Variants in CACNA2D2 observed in about 807,000 individuals in gnomAD.
The protein encoded by CACNA2D2 is calcium voltage-gated channel auxiliary subunit alpha2delta 2.
Under a neutral mutation model 166.4 loss-of-function variants are expected in CACNA2D2, and 48 were observed. The observed-to-expected ratio is 0.29, with a 90% CI of 0.23 to 0.37. The LOEUF (loss-of-function observed/expected upper bound fraction) is 0.37. Ranked by LOEUF, CACNA2D2 falls within the 10% of genes least tolerant of loss-of-function variation. The pLI, the probability that CACNA2D2 is intolerant of heterozygous loss-of-function variation, is 1.00. For synonymous variants in CACNA2D2, 561 were observed against 573.7 expected (o/e 0.98, Z 0.32); for missense variants, 1,122 against 1,433.0 (o/e 0.78, Z 3.50).
chr3:50,492,823 G>A (rs1698572794), intron 1 of CACNA2D2, among the ~76,000 whole-genome samples: 1 of 151,690 alleles, frequency 6.6e-6, no homozygotes, highest in African/African-American at 2.4e-5. Context: ...TGTGGCTAGG[G>A]GTTGCCTGGA....
At chr3:50,471,931 C>T (rs1366437389) in intron 2 of CACNA2D2, among the ~76,000 whole-genome samples, 1 of 152,210 alleles carries the variant, frequency 6.6e-6, no homozygotes, top group Admixed American at 6.5e-5. Context: ...CCATTCCTGG[C>T]TACCCATAAG....
At position 50,432,776 on chromosome 3, in the gene CACNA2D2, A is replaced by C. The variant is rs138569899; in HGVS notation, c.405+1537T>G. 8.9e-4 allele frequency among the ~76,000 whole-genome samples: 136 copies of C among 152,310 alleles called. 2 individuals carry two copies. Among genetic ancestry groups the C allele is most frequent in the African/African-American group, 2.6e-3 (110 of 41,568 alleles). On this transcript the variant is annotated intron_variant, in intron 3 of 37. Transcript: ENST00000424201. The stretch of plus-strand genomic sequence containing the variant: ...CCTTCTCTGGGAAGCTGGCCCCAAG[A>C]AGCAGTCTCCACCTATTTCATGGCC...
At chr3:50,374,591 C>T in intron 22 of CACNA2D2, 146 bp downstream of exon 22, 1 of 766,128 alleles carries the variant, frequency 1.3e-6, no homozygotes, top group Non-Finnish European at 2.1e-6. Context: ...TTTCGAGGTG[C>T]CCCAGCCTGC....
At position 50,366,331 on chromosome 3, in the gene CACNA2D2, A is replaced by G; in HGVS notation, c.2645T>C (p.Leu882Pro). ...TCCTCCATCATCAATGAGGACACAG[A>G]GTAAGTCCTAGGAGGAAGGGAATGG... ...MDCEVNNEDL[L>P]CVLIDDGGFL... Residue 882 changes from leucine (L) to proline (P), a missense_variant, in exon 31 of 38, where the codon CTC (leucine) becomes CCC (proline). Coordinates refer to ENST00000424201, the MANE Select transcript of CACNA2D2 (RefSeq NM_006030.4). The surrounding 1 kb of genome is among the most constrained non-coding windows in gnomAD (Gnocchi z 5.9). The G allele has an allele frequency of 6.2e-7, 1 of 1,614,016 alleles. No individual in the cohort carries two copies. The highest frequency in any genetic ancestry group is 8.5e-7 in the Non-Finnish European group (1 of 1,179,952).
At chr3:50,501,832 G>T (rs73835517) in intron 1 of CACNA2D2, among the ~76,000 whole-genome samples, 2 of 152,008 alleles carry the variant, frequency 1.3e-5, no homozygotes, top group Admixed American at 6.5e-5. Context: ...AGACAATAAC[G>T]CATCCACCAG....
chr3:50,481,476 GA>G (rs1049576771), intron 1 of CACNA2D2, among the ~76,000 whole-genome samples: 8 of 152,138 alleles, frequency 5.3e-5, no homozygotes, highest in Non-Finnish European at 1.2e-4. Flanking sequence ...GTGAGGGAGT[GA>G]GGGGTGGATA....
chr3:50,503,766 C>T (rs1699091864), upstream of CACNA2D2: 1 of 152,104 alleles, frequency 6.6e-6, no homozygotes, highest in Non-Finnish European at 1.5e-5. Context: ...CGGCCACGCG[C>T]CCACCCGTGC....
At chr3:50,394,490 G>A (rs1432531860) in intron 3 of CACNA2D2, among the ~76,000 whole-genome samples, 1 of 152,226 alleles carries the variant, frequency 6.6e-6, no homozygotes, top group Non-Finnish European at 1.5e-5. Context: ...TCACCCCAGT[G>A]CCAAGAGGAA....
intron 2 of CACNA2D2, among the ~76,000 whole-genome samples, chr3:50,443,445 TAG>T (rs1708699664): frequency 6.6e-6 from 1 of 152,204 alleles, no homozygotes. Context: ...CTCTGGGAAA[TAG>T]AGAAACTGGC....
chr3:50,416,404 C>T (rs1352800825), intron 3 of CACNA2D2, among the ~76,000 whole-genome samples: 1 of 152,338 alleles, frequency 6.6e-6, no homozygotes, highest in East Asian at 1.9e-4. Context: ...CTCCTATAGG[C>T]CACCTTTAGG....
chr3:50,398,488 G>A (rs1170322955), intron 3 of CACNA2D2, among the ~76,000 whole-genome samples: 1 of 152,202 alleles, frequency 6.6e-6, no homozygotes, highest in Non-Finnish European at 1.5e-5. Context: ...TACAGTAGAT[G>A]CACAGTGAAT....
chr3:50,421,364 G>A (rs1200001460), intron 3 of CACNA2D2, among the ~76,000 whole-genome samples: 2 of 152,138 alleles, frequency 1.3e-5, no homozygotes, highest in African/African-American at 2.4e-5. Flanking sequence ...TCACCCTGAG[G>A]AGATTGTGGG....
intron 3 of CACNA2D2, among the ~76,000 whole-genome samples, chr3:50,405,750 G>C (rs753825721): frequency 2.6e-5 from 4 of 152,176 alleles, no homozygotes; most frequent in Non-Finnish European, 5.9e-5. Flanking sequence ...TACAAAGGGG[G>C]AACTGAGGCC....
intron 14 of CACNA2D2, 73 bp from the exon 15 acceptor site, chr3:50,378,170 G>A: frequency 6.3e-7 from 1 of 1,580,978 alleles, no homozygotes; most frequent in African/African-American, 1.3e-5. Flanking sequence ...GCCAGGCATT[G>A]GGATTGTGCC....
At chr3:50,438,853 GAAA>G (rs1708466462) in intron 2 of CACNA2D2, among the ~76,000 whole-genome samples, 2 of 152,226 alleles carry the variant, frequency 1.3e-5, no homozygotes, top group African/African-American at 2.4e-5. Context: ...GGAGAGTGGG[GAAA>G]AGCAAGGAGG....
chr3:50,366,180 A>G lies in CACNA2D2; in HGVS notation c.2710-17T>C. The stretch of plus-strand genomic sequence containing the variant: ...CCTGCCCACCTGAGGATGTCAGGAG[A>G]AAGCCATGGTCACAGGGCTGGCAGT... On this transcript the variant is annotated splice_polypyrimidine_tract_variant and intron_variant, in intron 31 of 37. Transcript: ENST00000424201. The surrounding 1 kb of genome is among the most constrained non-coding windows in gnomAD (Gnocchi z 5.9). 1 of 1,613,918 alleles carries G rather than the reference A, an allele frequency of 6.2e-7. No homozygotes were observed. Among genetic ancestry groups the G allele is most frequent in the Non-Finnish European group, 8.5e-7 (1 of 1,179,928 alleles).
intron 2 of CACNA2D2, among the ~76,000 whole-genome samples, chr3:50,474,592 A>T (rs1710229546): frequency 6.6e-6 from 1 of 152,120 alleles, no homozygotes; most frequent in Non-Finnish European, 1.5e-5. Context: ...AATAAACAAC[A>T]TCTTCAAGCT....
chr3:50,380,031 T>A lies in CACNA2D2; in HGVS notation c.843-13A>T. ...CCCCTGGATATACCTGCCCAGGAGA[T>A]GCCTCTGTTAGGGTAAGGCCCACTG... On this transcript the variant is annotated splice_polypyrimidine_tract_variant and intron_variant, in intron 8 of 37. Coordinates refer to ENST00000424201, the MANE Select transcript of CACNA2D2 (RefSeq NM_006030.4). This position sits in a 1 kb window ranked among gnomAD's most constrained non-coding sequence, Gnocchi z 4.9. 1 of 1,614,036 alleles carries A rather than the reference T, an allele frequency of 6.2e-7. No individual in the cohort carries two copies. Among genetic ancestry groups the A allele is most frequent in the African/African-American group, 1.3e-5 (1 of 75,056 alleles).
rs1704047916 is a variant in CACNA2D2, at chr3:50,363,596, T to C, written c.*1070A>G. ...CAGGCCTGAGTGTGTAAGGGCCAGATTGGCGGAAGGATGGCCCAGCCAGGA... is the reference window on the plus strand; with the variant it reads ...CAGGCCTGAGTGTGTAAGGGCCAGACTGGCGGAAGGATGGCCCAGCCAGGA... On this transcript the variant is annotated 3_prime_UTR_variant, in exon 38 of 38. Transcript: ENST00000424201. 1 of 263,922 alleles carries C rather than the reference T, an allele frequency of 3.8e-6. No homozygotes were observed. The highest frequency in any genetic ancestry group is 2.2e-5 in the African/African-American group (1 of 45,414). The allele number at this position is 263,922 out of a possible 1,614,324, so 16.3% of individuals were successfully genotyped here.
Sources: gnomAD v4.1 joint callset for allele counts (sites outside exome capture counted in the v4.1 genomes callset) on GRCh38, gnomAD v4.1.1 for gene constraint, Gnocchi (gnomAD v3.1) non-coding constraint, MANE v1.5 for transcripts, NCBI Gene and HGNC (gene_info 2026-07-23, HGNC 2026-07-21) for gene names.